The following LRRC66 variants were observed in gnomAD, a reference collection of about 807,000 sequenced individuals.
The protein encoded by LRRC66 is leucine-rich repeat-containing protein 66.
In LRRC66, 29 loss-of-function variants were observed where a neutral mutation model predicts 24.6. The observed-to-expected ratio is 1.18, with a 90% CI of 0.88 to 1.61. The LOEUF (loss-of-function observed/expected upper bound fraction) is 1.61. Ranked by LOEUF, LRRC66 falls within the 40% of genes most tolerant of loss-of-function variation. LRRC66 has a pLI of 0.00. For missense variants in LRRC66, 1,124 were observed against 1,058.0 expected (o/e 1.06, Z -0.87); for synonymous variants, 411 against 397.6 (o/e 1.03, Z -0.40).
intron 2 of LRRC66, among the ~76,000 whole-genome samples, chr4:52,005,639 G>A: frequency 6.7e-6 from 1 of 149,578 alleles, no homozygotes; most frequent in Admixed American, 6.7e-5. Context: ...GATAGGCCAA[G>A]AAGACTTTTT....
chr4:52,009,329 C>G (rs1257961369), intron 2 of LRRC66, among the ~76,000 whole-genome samples: 2 of 151,926 alleles, frequency 1.3e-5, no homozygotes, highest in African/African-American at 4.8e-5. Context: ...CTTCAGCTTC[C>G]CCTTTAAGAA....
intron 1 of LRRC66, chr4:52,017,921 G>A (rs1043117567): frequency 1.0e-6 from 1 of 985,296 alleles, no homozygotes; most frequent in African/African-American, 1.7e-5. Flanking sequence ...ACTCCACAGT[G>A]TGCTTTGGGA....
chr4:52,003,333 T>G lies in LRRC66; in HGVS notation c.556A>C (p.Ile186Leu), dbSNP rs1290678651. The G allele has an allele frequency of 6.2e-7, 1 of 1,613,914 alleles. No homozygotes were observed. The highest frequency in any genetic ancestry group is 2.2e-5 in the East Asian group (1 of 44,848). The change falls in exon 3 of 5, where the codon ATA (isoleucine) becomes CTA (leucine). Residue 186 changes from isoleucine (I) to leucine (L), a missense_variant. Transcript: ENST00000682860. ...CAGTTGTGAAAATCAGACCACCCTA[T>G]TTGCAATATCCCATTGAATGACAGA... Reference protein sequence around the residue: ...LDLSFNGILQIGWSDFHNCLQ... With the variant: ...LDLSFNGILQLGWSDFHNCLQ...
At chr4:52,014,467 T>C (rs1736768525) in intron 2 of LRRC66, among the ~76,000 whole-genome samples, 1 of 152,194 alleles carries the variant, frequency 6.6e-6, no homozygotes, top group South Asian at 2.1e-4. Flanking sequence ...TTGAGATACA[T>C]TTTTTCATTT....
rs1252077320 is a variant in LRRC66, at chr4:51,995,342, G to T, written c.1680C>A (p.Gly560=). ...AHSVGVSSVA[G]TSHAVSGSSR... ...TTGAGCCAGAGACAGCGTGAGACGT[G>T]CCAGCTACAGAAGAGACGCCCACTG... is the stretch of plus-strand genomic sequence containing the variant. Residue 560 remains glycine (G), a synonymous_variant, in exon 5 of 5, where the codon GGC becomes GGA. Transcript: ENST00000682860. The T allele has an allele frequency of 3.7e-6, 6 of 1,614,078 alleles. No homozygotes were observed. Among genetic ancestry groups the T allele is most frequent in the Non-Finnish European group, 4.2e-6 (5 of 1,180,044 alleles).
At chr4:52,003,189 C>T (rs1021781649) in intron 3 of LRRC66, 34 bp downstream of exon 3, 2 of 1,543,178 alleles carry the variant, frequency 1.3e-6, no homozygotes, top group African/African-American at 2.7e-5. Flanking sequence ...CATGTGTCTT[C>T]CTTATTCAAA....
intron 2 of LRRC66, among the ~76,000 whole-genome samples, chr4:52,005,796 TC>T (rs1016318502): frequency 6.6e-6 from 1 of 152,076 alleles, no homozygotes; most frequent in African/African-American, 2.4e-5. Flanking sequence ...TCTTCTCCCT[TC>T]CCTCAGTCCA....
rs763317245 is a variant in LRRC66 at position 51,994,571 on chromosome 4, C to T, written c.2451G>A (p.Glu817=). The T allele has an allele frequency of 1.2e-6, 2 of 1,614,184 alleles. No homozygotes were observed. Among genetic ancestry groups the T allele is most frequent in the African/African-American group, 2.7e-5 (2 of 75,038 alleles). ...RSPGNSPLGD[E]FPGMFTYDYD... ...AATCATAAGTGAACATGCCCGGAAA[C>T]TCATCCCCTAAGGGACTATTCCCTG... Residue 817 remains glutamate, a synonymous_variant, in exon 5 of 5, where the codon GAG becomes GAA. Transcript: ENST00000682860.
In LRRC66 at chr4:51,994,340, A is replaced by T; in HGVS notation, c.*39T>A. 6.6e-7 allele frequency: 1 copy of T among 1,526,290 alleles called. No individual in the cohort carries two copies. The allele number at this position is 1,526,290 out of a possible 1,614,324, so 94.5% of individuals were successfully genotyped here. A position where few individuals can be genotyped will look rare whatever the true frequency, so the allele number is the denominator to read the frequency against. ...CCCCTGCCATGATCTTTAAAAGAAT[A>T]TTGTTTAGAGCTGTGAATATTTCCT... On this transcript the variant is annotated 3_prime_UTR_variant, in exon 5 of 5. Transcript: ENST00000682860.
chr4:52,019,748 C>T (rs1463971074), intron 1 of LRRC66, among the ~76,000 whole-genome samples: 1 of 151,842 alleles, frequency 6.6e-6, no homozygotes, highest in East Asian at 1.9e-4. Flanking sequence ...AAATCAGCAA[C>T]AAAAAAATAT....
At chr4:51,997,039 G>T (rs1469374120) in intron 4 of LRRC66, among the ~76,000 whole-genome samples, 1 of 152,206 alleles carries the variant, frequency 6.6e-6, no homozygotes, top group East Asian at 1.9e-4. Context: ...GCATGGCCAT[G>T]TTCCTACTTG....
At chr4:51,998,310 C>T (rs17611784) in intron 3 of LRRC66, among the ~76,000 whole-genome samples, 2,116 of 152,200 alleles carry the variant, frequency 0.014, 22 homozygotes, top group Non-Finnish European at 0.02. Flanking sequence ...GAATTGGATA[C>T]CAGGTCAAGA....
At chr4:52,002,273 A>T (rs923469668) in intron 3 of LRRC66, among the ~76,000 whole-genome samples, 1 of 152,256 alleles carries the variant, frequency 6.6e-6, no homozygotes, top group Non-Finnish European at 1.5e-5. Context: ...AGCTACTGGA[A>T]CATCTAAAAT....
At chr4:52,019,609 T>C (rs1736898126) in intron 1 of LRRC66, among the ~76,000 whole-genome samples, 2 of 152,178 alleles carry the variant, frequency 1.3e-5, no homozygotes, top group African/African-American at 2.4e-5. Context: ...GGAGGAGTGA[T>C]TTATTTTTAC....
chr4:52,010,103 C>A (rs1280343574), intron 2 of LRRC66, among the ~76,000 whole-genome samples: 1 of 152,054 alleles, frequency 6.6e-6, no homozygotes, highest in Non-Finnish European at 1.5e-5. Flanking sequence ...TCAGTAGATC[C>A]AGAAAAGGTC....
At chr4:52,004,210 T>A (rs1352225090) in intron 2 of LRRC66, among the ~76,000 whole-genome samples, 6 of 152,284 alleles carry the variant, frequency 3.9e-5, no homozygotes, top group Admixed American at 1.3e-4. Context: ...GGTTTCACCA[T>A]GTTGGTCAGG....
In LRRC66 at chr4:51,995,743, C is replaced by T. The variant is rs1386089291; in HGVS notation, c.1279G>A (p.Asp427Asn). The T allele has an allele frequency of 1.2e-6, 2 of 1,614,146 alleles. No homozygotes were observed. The highest frequency in any genetic ancestry group is 1.7e-5 in the Admixed American group (1 of 60,020). ...DNAYSNEGFY[D>N]DMEAAGHTPH... Reference sequence around the variant, plus strand: ...GTGTGCCCCGCAGCTTCCATGTCATCGTAGAAGCCCTCGTTTGAATACGCG... The same window carrying T: ...GTGTGCCCCGCAGCTTCCATGTCATTGTAGAAGCCCTCGTTTGAATACGCG... The change falls in exon 5 of 5, where the codon GAT (aspartate) becomes AAT (asparagine). Residue 427 changes from aspartate (D) to asparagine (N), a missense_variant. Transcript: ENST00000682860.
intron 2 of LRRC66, among the ~76,000 whole-genome samples, chr4:52,004,948 G>A (rs1244817341): frequency 6.6e-6 from 1 of 152,170 alleles, no homozygotes; most frequent in Admixed American, 6.5e-5. Context: ...ACATAAACTC[G>A]AAGTAAAGTT....
chr4:52,007,359 A>C (rs958635384), intron 2 of LRRC66, among the ~76,000 whole-genome samples: 1 of 150,672 alleles, frequency 6.6e-6, no homozygotes, highest in Non-Finnish European at 1.5e-5. Flanking sequence ...TTTTTCTTTT[A>C]ATTTTTTGTA....
Sources: gnomAD v4.1 joint callset for allele counts (sites outside exome capture counted in the v4.1 genomes callset) on GRCh38, gnomAD v4.1.1 for gene constraint, MANE v1.5 for transcripts, NCBI Gene and HGNC (gene_info 2026-07-23, HGNC 2026-07-21) for gene names.